The following PEX3 variants were observed in gnomAD, a reference collection of about 807,000 sequenced individuals.
PEX3 encodes the protein peroxin-3.
PEX3 carries 30 observed loss-of-function variants against 55.8 expected under a neutral mutation model. The observed-to-expected ratio is 0.54, with a 90% CI of 0.40 to 0.73. The LOEUF (loss-of-function observed/expected upper bound fraction) is 0.73. Among genes scored for constraint, PEX3 ranks in the 30% least tolerant of loss-of-function variants. The probability of loss-of-function intolerance (pLI) is 0.00; values close to 1 mark genes in which losing one functional copy is unlikely to be tolerated. For synonymous variants in PEX3, 135 were observed against 148.4 expected, an observed-to-expected ratio of 0.91 and a Z score of 0.66; for missense variants, 351 against 432.8, an observed-to-expected ratio of 0.81 and a Z score of 1.68.
intron 10 of PEX3, among the ~76,000 whole-genome samples, chr6:143,480,020 T>A (rs1326823156): frequency 6.6e-6 from 1 of 152,088 alleles, no homozygotes; most frequent in Non-Finnish European, 1.5e-5. Context: ...ATGTGCAATA[T>A]CCAATTTAAT....
At position 143,486,355 on chromosome 6, in the gene PEX3, T is replaced by C. The variant is rs1780323257; in HGVS notation, c.1038+1107T>C. On this transcript the variant is annotated intron_variant, in intron 11 of 11. Coordinates refer to ENST00000367591, the MANE Select transcript of PEX3 (RefSeq NM_003630.3). The surrounding 1 kb of genome is among the most constrained non-coding windows in gnomAD (Gnocchi z 5.0). Reference sequence around the variant, plus strand: ...GGCTTGGCCAGTAGGCTGTTCATTTTGACAGATGAGTGGAAATTACAACCA... The same window carrying C: ...GGCTTGGCCAGTAGGCTGTTCATTTCGACAGATGAGTGGAAATTACAACCA... 2.0e-5 allele frequency among the ~76,000 whole-genome samples: 3 copies of C among 152,156 alleles called. No individual in the cohort carries two copies. The highest frequency in any genetic ancestry group is 6.6e-5 in the Admixed American group (1 of 15,254).
chr6:143,483,337 C>T lies in PEX3; in HGVS notation c.942-1815C>T, dbSNP rs147140207. Among the ~76,000 whole-genome samples, 5 of 152,082 alleles carry T rather than the reference C, an allele frequency of 3.3e-5. No individual in the cohort carries two copies. Among genetic ancestry groups the T allele is most frequent in the South Asian group, 2.1e-4 (1 of 4,818 alleles). On this transcript the variant is annotated intron_variant, in intron 10 of 11. Coordinates refer to ENST00000367591, the MANE Select transcript of PEX3 (RefSeq NM_003630.3). The surrounding 1 kb of genome is among the most constrained non-coding windows in gnomAD (Gnocchi z 4.3). ...TGTTATAAAGGAGAAGAACACTGAA[C>T]GTATAATAGAAAAATTTAAACAAAA...
intron 2 of PEX3, among the ~76,000 whole-genome samples, chr6:143,461,585 A>G (rs977571398): frequency 6.9e-6 from 1 of 145,414 alleles, no homozygotes; most frequent in Non-Finnish European, 1.5e-5. Context: ...ATACTAGAAA[A>G]AAAAAAAAAG....
rs945338941 is a variant in PEX3, at chr6:143,466,422, A to G, written c.288-1700A>G. 8.6e-5 allele frequency among the ~76,000 whole-genome samples: 13 copies of G among 151,954 alleles called. No homozygotes were observed. Among genetic ancestry groups the G allele is most frequent in the African/African-American group, 2.9e-4 (12 of 41,410 alleles). On this transcript the variant is annotated intron_variant, in intron 3 of 11. Coordinates refer to ENST00000367591, the MANE Select transcript of PEX3 (RefSeq NM_003630.3). The surrounding 1 kb of genome is among the most constrained non-coding windows in gnomAD (Gnocchi z 5.4). ...GTATTGCAGTGCTTTGTTTTTAAGG[A>G]ACCTTTATTTTACTTAATAATGGCC...
In PEX3 at chr6:143,450,843, G is replaced by C; in HGVS notation, c.-200G>C. The C allele has an allele frequency of 1.3e-6, 1 of 756,348 alleles. No individual in the cohort carries two copies. The highest frequency in any genetic ancestry group is 2.3e-6 in the Non-Finnish European group (1 of 443,078). 46.9% of individuals were successfully genotyped at this position (756,348 alleles called of 1,614,324 possible). On this transcript the variant is annotated 5_prime_UTR_variant, in exon 1 of 12. Transcript: ENST00000367591. ...GGCTGCGCGGCGGCAGCGGCAGAAA[G>C]CGTAGCTGCTTTGCTGTAGTCCACG... is the stretch of plus-strand genomic sequence containing the variant.
Position 143,466,038 on chromosome 6 carries a change from G to GA in PEX3, c.288-2076dup, listed in dbSNP as rs528982723. Among the ~76,000 whole-genome samples the GA allele has an allele frequency of 8.6e-5, 13 of 151,310 alleles. No homozygotes were observed. Among genetic ancestry groups the GA allele is most frequent in the South Asian group, 6.3e-4 (3 of 4,790 alleles). On this transcript the variant is annotated intron_variant, in intron 3 of 11. Coordinates refer to ENST00000367591, the MANE Select transcript of PEX3 (RefSeq NM_003630.3). This position sits in a 1 kb window ranked among gnomAD's most constrained non-coding sequence, Gnocchi z 5.4. ...TCTGTGACAGATTGGAAAGGAAAAG[G>GA]AAAAAAAATGGATCCTTCCACTAGT...
Position 143,485,816 on chromosome 6 carries a change from T to C in PEX3, c.1038+568T>C, listed in dbSNP as rs1310375066. ...AGTAATTCATTGAGTAATTCAGTAA[T>C]TCATTGAGTAAGACAAATATTATAA... On this transcript the variant is annotated intron_variant, in intron 11 of 11. Transcript: ENST00000367591. This position sits in a 1 kb window ranked among gnomAD's most constrained non-coding sequence, Gnocchi z 5.6. 3.9e-5 allele frequency among the ~76,000 whole-genome samples: 6 copies of C among 152,154 alleles called. No homozygotes were observed. The highest frequency in any genetic ancestry group is 3.9e-4 in the Admixed American group (6 of 15,258).
rs1161618081 is a variant in PEX3 at position 143,465,478 on chromosome 6, G to A, written c.287+2481G>A. On this transcript the variant is annotated intron_variant, in intron 3 of 11. Transcript: ENST00000367591. This position sits in a 1 kb window ranked among gnomAD's most constrained non-coding sequence, Gnocchi z 4.7. ...GTCTTACTCTGTCGCCCAAGCTGGA[G>A]TACAGTGGCACAATCATGGCTCACT... is the stretch of plus-strand genomic sequence containing the variant. Among the ~76,000 whole-genome samples the A allele has an allele frequency of 1.3e-5, 2 of 151,890 alleles. No homozygotes were observed. The highest frequency in any genetic ancestry group is 6.6e-5 in the Admixed American group (1 of 15,232).
intron 8 of PEX3, among the ~76,000 whole-genome samples, chr6:143,472,822 A>T (rs1780093730): frequency 6.6e-6 from 1 of 152,252 alleles, no homozygotes; most frequent in Admixed American, 6.5e-5. Context: ...TTTTTAAAAA[A>T]GTTAATGATG....
At chr6:143,470,841 A>G in intron 4 of PEX3, 120 bp from the exon 5 acceptor site, 3 of 766,450 alleles carry the variant, frequency 3.9e-6, no homozygotes, top group Non-Finnish European at 6.5e-6. Context: ...TTTTTATACT[A>G]GAAACAGTTG....
chr6:143,480,555 T>C (rs1379095578), intron 10 of PEX3, among the ~76,000 whole-genome samples: 1 of 152,214 alleles, frequency 6.6e-6, no homozygotes, highest in Non-Finnish European at 1.5e-5. Flanking sequence ...CTTGTGCCCT[T>C]TCATGTCTCT....
Position 143,472,146 on chromosome 6 carries a change from T to C in PEX3, c.579-14T>C. The C allele has an allele frequency of 6.4e-7, 1 of 1,573,006 alleles. No homozygotes were observed. The highest frequency in any genetic ancestry group is 8.7e-7 in the Non-Finnish European group (1 of 1,143,296). ...AGTTTCTATTTATCCCAATTCCCTT[T>C]TCTCTGTTTCTAGTGTTTCTCTTAA... On this transcript the variant is annotated splice_polypyrimidine_tract_variant and intron_variant, in intron 7 of 11. Transcript: ENST00000367591.
intron 9 of PEX3, among the ~76,000 whole-genome samples, chr6:143,477,318 A>G (rs1303200495): frequency 2.0e-5 from 3 of 152,188 alleles, no homozygotes; most frequent in Non-Finnish European, 2.9e-5. Flanking sequence ...TGAGACGAGT[A>G]ATTTTTGTCT....
In PEX3 at chr6:143,454,056, T is replaced by C. The variant is rs1229702381; in HGVS notation, c.73+2941T>C. On this transcript the variant is annotated intron_variant, in intron 1 of 11. Coordinates refer to ENST00000367591, the MANE Select transcript of PEX3 (RefSeq NM_003630.3). The surrounding 1 kb of genome is among the most constrained non-coding windows in gnomAD (Gnocchi z 4.3). ...TTTAAAATATTAATTCATTTTAAAA[T>C]AATAAACCTATTACATATTAACATA... Among the ~76,000 whole-genome samples the C allele has an allele frequency of 6.6e-6, 1 of 152,182 alleles. No individual in the cohort carries two copies. The highest frequency in any genetic ancestry group is 2.4e-5 in the African/African-American group (1 of 41,458).
chr6:143,469,305 G>C (rs1780038768), intron 4 of PEX3, among the ~76,000 whole-genome samples: 2 of 152,172 alleles, frequency 1.3e-5, no homozygotes, highest in Admixed American at 1.3e-4. Flanking sequence ...GTGTAAAAGT[G>C]TTCCTATTTC....
chr6:143,479,065 A>G lies in PEX3; in HGVS notation c.819-11A>G. 6.5e-7 allele frequency: 1 copy of G among 1,531,412 alleles called. No homozygotes were observed. The highest frequency in any genetic ancestry group is 1.1e-5 in the South Asian group (1 of 89,200). 94.9% of individuals were successfully genotyped at this position (1,531,412 alleles called of 1,614,324 possible). A position where few individuals can be genotyped will look rare whatever the true frequency, so the allele number is the denominator to read the frequency against. On this transcript the variant is annotated splice_polypyrimidine_tract_variant and intron_variant, in intron 9 of 11. Coordinates refer to ENST00000367591, the MANE Select transcript of PEX3 (RefSeq NM_003630.3). The surrounding 1 kb of genome is among the most constrained non-coding windows in gnomAD (Gnocchi z 4.6). Reference sequence around the variant, plus strand: ...GTCTAAAAAGTAACTTATACTTCTTACTTTATATAGCCCAGATTTTAGTAC... The same window carrying G: ...GTCTAAAAAGTAACTTATACTTCTTGCTTTATATAGCCCAGATTTTAGTAC...
chr6:143,469,508 C>A (rs941591450), intron 4 of PEX3, among the ~76,000 whole-genome samples: 2 of 152,186 alleles, frequency 1.3e-5, no homozygotes, highest in Non-Finnish European at 2.9e-5. Flanking sequence ...CCTTTGCCCA[C>A]TTTTTGATGG....
chr6:143,461,120 A>C (rs1028710605), intron 2 of PEX3, among the ~76,000 whole-genome samples: 1 of 152,190 alleles, frequency 6.6e-6, no homozygotes, highest in African/African-American at 2.4e-5. Flanking sequence ...AGGAAGAAAG[A>C]TTAGGCAAGA....
At position 143,489,209 on chromosome 6, in the gene PEX3, C is replaced by T; in HGVS notation, c.1105C>T (p.Gln369Ter). 2 of 1,596,792 alleles carry T rather than the reference C, an allele frequency of 1.3e-6. No individual in the cohort carries two copies. The stretch of plus-strand genomic sequence containing the variant: ...TGTGTATGAAGCTTTTAGTACCCCT[C>T]AGCAACTGGAGAAATGATTTTTCCT... ...ANVYEAFSTP[Q>*]QLEK The change falls in exon 12 of 12, where the codon CAG (glutamine) becomes TAG (stop). Residue 369 changes from glutamine to a stop codon, truncating the protein, a stop_gained. Transcript: ENST00000367591. LOFTEE classifies it high-confidence loss of function. This position sits in a 1 kb window ranked among gnomAD's most constrained non-coding sequence, Gnocchi z 5.5.
Sources: gnomAD v4.1 joint callset for allele counts (sites outside exome capture counted in the v4.1 genomes callset) on GRCh38, gnomAD v4.1.1 for gene constraint, Gnocchi (gnomAD v3.1) non-coding constraint, MANE v1.5 for transcripts, NCBI Gene and HGNC (gene_info 2026-07-23, HGNC 2026-07-21) for gene names.